Variants in MYLK observed in about 807,000 individuals in gnomAD.
MYLK encodes myosin light chain kinase, smooth muscle.
MYLK carries 106 observed loss-of-function variants against 203.4 expected under a neutral mutation model. That is an observed-to-expected ratio of 0.52 (90% CI 0.45 to 0.61). The LOEUF is 0.61. Among genes scored for constraint, MYLK ranks in the 20% least tolerant of loss-of-function variants. The pLI is 0.00. For synonymous variants in MYLK, 867 were observed against 959.5 expected (o/e 0.90, Z 1.78); for missense variants, 2,072 against 2,442.3 (o/e 0.85, Z 3.20).
chr3:123,665,641 C>G (rs78556577), intron 22 of MYLK, among the ~76,000 whole-genome samples: 6 of 152,196 alleles, frequency 3.9e-5, no homozygotes, highest in Non-Finnish European at 8.8e-5. Context: ...CTGCTGGGCT[C>G]CCCAAGTCCT....
At chr3:123,840,582 T>C (rs995705630) in intron 2 of MYLK, among the ~76,000 whole-genome samples, 23 of 151,492 alleles carry the variant, frequency 1.5e-4, no homozygotes, top group African/African-American at 5.6e-4. Context: ...TTACTTGATA[T>C]GAAAATAAGA....
At chr3:123,872,256 T>C (rs958059323) in intron 2 of MYLK, among the ~76,000 whole-genome samples, 2 of 152,200 alleles carry the variant, frequency 1.3e-5, no homozygotes, top group Non-Finnish European at 2.9e-5. Context: ...CCACAAAGCC[T>C]AAAATATTTG....
intron 16 of MYLK, among the ~76,000 whole-genome samples, chr3:123,703,672 T>G (rs566237659): frequency 6.8e-6 from 1 of 147,418 alleles, no homozygotes; most frequent in East Asian, 2.6e-4. Flanking sequence ...TTGGGTGAGC[T>G]TGTAGAATAA....
chr3:123,795,430 A>G (rs1316878209), intron 3 of MYLK, among the ~76,000 whole-genome samples: 2 of 152,240 alleles, frequency 1.3e-5, no homozygotes, highest in African/African-American at 2.4e-5. Context: ...TGGAATTATT[A>G]TAAGTACATA....
chr3:123,847,807 CATTTAT>C (rs2030214606), intron 2 of MYLK, among the ~76,000 whole-genome samples: 1 of 152,010 alleles, frequency 6.6e-6, no homozygotes, highest in Non-Finnish European at 1.5e-5. Context: ...ATTTCATAAG[CATTTAT>C]ATTTATAAAT....
At chr3:123,767,999 T>C (rs1054744807) in intron 4 of MYLK, among the ~76,000 whole-genome samples, 5 of 152,204 alleles carry the variant, frequency 3.3e-5, no homozygotes, top group African/African-American at 9.6e-5. Context: ...AAGGAGCCCC[T>C]AGGCTCTGGG....
chr3:123,644,490 C>CT (rs934458908), intron 27 of MYLK: 2 of 152,252 alleles, frequency 1.3e-5, no homozygotes, highest in African/African-American at 2.4e-5. Context: ...TTTCTCTTTG[C>CT]TTTTTCCATC....
rs559416771 is a variant in MYLK, at chr3:123,619,183, G to A, written c.5369-413C>T. On this transcript the variant is annotated intron_variant, in intron 32 of 33. Transcript: ENST00000360304. ...GGTGTTCCACCTGCTTTTTACAAGG[G>A]AGGAGTCAGGTCCTAGCCGCATCTT... Among the ~76,000 whole-genome samples the A allele has an allele frequency of 7.9e-5, 12 of 152,268 alleles. No individual in the cohort carries two copies. The South Asian group carries it at 2.5e-3, about 32-fold the overall frequency.
rs528510747 is a variant in MYLK at position 123,787,095 on chromosome 3, T to C, written c.165+6582A>G. On this transcript the variant is annotated intron_variant, in intron 4 of 33. Coordinates refer to ENST00000360304, the MANE Select transcript of MYLK (RefSeq NM_053025.4). ...TTTAAAAGGCCAAAGTAGTCAACTC[T>C]TTCCTGTGGCTATTAGTCAAGAATG... 6.6e-5 allele frequency among the ~76,000 whole-genome samples: 10 copies of C among 152,352 alleles called. No homozygotes were observed. The South Asian group carries it at 2.1e-3, about 32-fold the overall frequency.
chr3:123,848,432 A>G (rs529210595), intron 2 of MYLK, among the ~76,000 whole-genome samples: 1 of 152,140 alleles, frequency 6.6e-6, no homozygotes, highest in African/African-American at 2.4e-5. Flanking sequence ...AATTGCTTAC[A>G]CAATATTTAT....
At chr3:123,747,165 T>A (rs2063044671) in intron 5 of MYLK, among the ~76,000 whole-genome samples, 1 of 152,150 alleles carries the variant, frequency 6.6e-6, no homozygotes, top group African/African-American at 2.4e-5. Context: ...TTCCTACGAA[T>A]TCAAGGTGGC....
chr3:123,807,153 G>C lies in MYLK; in HGVS notation c.-3-13309C>G, dbSNP rs138870752. Among the ~76,000 whole-genome samples the C allele has an allele frequency of 9.9e-5, 15 of 152,284 alleles. No homozygotes were observed. The East Asian group carries it at 2.3e-3, about 24-fold the overall frequency. On this transcript the variant is annotated intron_variant, in intron 3 of 33. Coordinates refer to ENST00000360304, the MANE Select transcript of MYLK (RefSeq NM_053025.4). ...AAGATATGTTAAATCTTATGGCTGGGCATGGTGGCTCACACCTGTAATCCC... is the reference window on the plus strand; with the variant it reads ...AAGATATGTTAAATCTTATGGCTGGCCATGGTGGCTCACACCTGTAATCCC...
rs917219106 is a variant in MYLK, at chr3:123,667,182, C to T, written c.3658G>A (p.Ala1220Thr). The change falls in exon 21 of 34, where the codon GCG becomes ACG. Residue 1220 changes from alanine to threonine, a missense_variant. This residue lies in a region of MYLK where 865 missense variants were observed against 1,016.0 expected (regional missense o/e 0.85). Coordinates refer to ENST00000360304, the MANE Select transcript of MYLK (RefSeq NM_053025.4). The stretch of plus-strand genomic sequence containing the variant: ...GGGGCAGGTTTCTTTTTCACAGTCG[C>T]ATCACCTGAAACAAAGAAGTTCACA... Reference protein sequence around the residue: ...LPPVLGTESDATVKKKPAPKT... With the variant: ...LPPVLGTESDTTVKKKPAPKT... The T allele has an allele frequency of 6.2e-7, 1 of 1,614,050 alleles. No homozygotes were observed. The highest frequency in any genetic ancestry group is 8.5e-7 in the Non-Finnish European group (1 of 1,180,016).
intron 2 of MYLK, among the ~76,000 whole-genome samples, chr3:123,834,492 G>A (rs1019991003): frequency 1.3e-5 from 2 of 152,048 alleles, no homozygotes; most frequent in Non-Finnish European, 2.9e-5. Flanking sequence ...AAGTTGAGTT[G>A]CCCTCATCAC....
chr3:123,709,530 T>A (rs1178517077), intron 14 of MYLK: 1 of 616,748 alleles, frequency 1.6e-6, no homozygotes, highest in Non-Finnish European at 2.9e-6. Flanking sequence ...TCTAGCTCTA[T>A]GGCCATCTTC....
At chr3:123,759,942 C>A (rs1232058142) in intron 4 of MYLK, among the ~76,000 whole-genome samples, 1 of 152,160 alleles carries the variant, frequency 6.6e-6, no homozygotes, top group Non-Finnish European at 1.5e-5. Flanking sequence ...TGAGACAATA[C>A]ATATCTTTTG....
intron 20 of MYLK, among the ~76,000 whole-genome samples, chr3:123,671,975 G>T (rs2059927516): frequency 1.3e-5 from 2 of 152,042 alleles, no homozygotes; most frequent in Admixed American, 1.3e-4. Flanking sequence ...GGAGAGAGGA[G>T]GCCATCTGTT....
At chr3:123,881,485 T>C (rs1210282280) in intron 1 of MYLK, among the ~76,000 whole-genome samples, 1 of 152,208 alleles carries the variant, frequency 6.6e-6, no homozygotes, top group Non-Finnish European at 1.5e-5. Context: ...TCCCAGCCTG[T>C]GTGGGTTGGT....
chr3:123,697,706 C>T (rs111899223), intron 18 of MYLK, among the ~76,000 whole-genome samples: 4,148 of 152,276 alleles, frequency 0.027, 59 homozygotes, highest in Middle Eastern at 0.071. Context: ...TAGTGTCTAA[C>T]ACATAGTGTT....
Sources: gnomAD v4.1 joint callset for allele counts (sites outside exome capture counted in the v4.1 genomes callset) on GRCh38, gnomAD v4.1.1 for gene constraint, gnomAD v4.1.1 regional missense constraint, MANE v1.5 for transcripts, NCBI Gene and HGNC (gene_info 2026-07-23, HGNC 2026-07-21) for gene names.